The following CCSER1 variants were observed in gnomAD, a reference collection of about 807,000 sequenced individuals.
CCSER1 encodes the protein serine-rich coiled-coil domain-containing protein 1.
In CCSER1, 41 loss-of-function variants were observed where a neutral mutation model predicts 82.0. The ratio of observed to expected loss-of-function variants is 0.50; its 90% CI spans 0.39 to 0.65. The LOEUF (loss-of-function observed/expected upper bound fraction) is 0.65, where lower values mean the gene tolerates loss of function less well. Ranked by LOEUF, CCSER1 falls within the 30% of genes least tolerant of loss-of-function variation. CCSER1 has a pLI of 0.00. For synonymous variants in CCSER1, 414 were observed against 383.9 expected (o/e 1.08, Z -0.92); for missense variants, 1,119 against 1,064.2 (o/e 1.05, Z -0.72).
chr4:91,568,336 T>C (rs977530191), intron 10 of CCSER1, among the ~76,000 whole-genome samples: 1 of 152,150 alleles, frequency 6.6e-6, no homozygotes, highest in Non-Finnish European at 1.5e-5. Context: ...GGGGGTAATC[T>C]TCTTGTGTAG....
Position 90,493,731 on chromosome 4 carries a change from C to T in CCSER1, c.1724+25377C>T, listed in dbSNP as rs191233309. The stretch of plus-strand genomic sequence containing the variant: ...AGCAAATGCTGAGAGATTTTGTCAC[C>T]ACCGCTCCTGCCCTAAAAGAGCTCC... On this transcript the variant is annotated intron_variant, in intron 5 of 10. Transcript: ENST00000509176. 2.0e-4 allele frequency among the ~76,000 whole-genome samples: 31 copies of T among 152,134 alleles called. No individual in the cohort carries two copies. The East Asian group carries it at 5.6e-3, about 27-fold the overall frequency.
rs1444054191 is a variant in CCSER1, at chr4:90,923,314, G to T, written c.2095-56G>T. ...AAATTTTAATAAGTGGAGAATATTA[G>T]TGTAGAAGTACACACCTCACCAACA... On this transcript the variant is annotated intron_variant, in intron 8 of 10. Coordinates refer to ENST00000509176, the MANE Select transcript of CCSER1 (RefSeq NM_001145065.2). The T allele has an allele frequency of 1.7e-5, 19 of 1,151,444 alleles. 1 individual carries two copies. The South Asian group carries it at 2.4e-4, about 14-fold the overall frequency. The allele number at this position is 1,151,444 out of a possible 1,614,324, so 71.3% of individuals were successfully genotyped here.
At chr4:90,780,902 T>C in intron 7 of CCSER1, 1 of 603,476 alleles carries the variant, frequency 1.7e-6, no homozygotes, top group Non-Finnish European at 2.1e-6. Context: ...AAAAGGGGTA[T>C]AATTGGCCCA....
chr4:90,960,261 T>G (rs1733932704), intron 9 of CCSER1, among the ~76,000 whole-genome samples: 1 of 152,134 alleles, frequency 6.6e-6, no homozygotes, highest in Non-Finnish European at 1.5e-5. Context: ...GATTAAAAAT[T>G]AGACATTATT....
chr4:91,453,437 G>T (rs1454694903), intron 10 of CCSER1, among the ~76,000 whole-genome samples: 6 of 151,974 alleles, frequency 3.9e-5, no homozygotes, highest in Non-Finnish European at 8.8e-5. Flanking sequence ...GTGAAATTGA[G>T]TGGCCCCTTT....
intron 1 of CCSER1, among the ~76,000 whole-genome samples, chr4:90,145,963 C>T (rs1266988722): frequency 1.3e-5 from 2 of 151,982 alleles, no homozygotes; most frequent in African/African-American, 4.8e-5. Context: ...GAAATAATCT[C>T]TGAAGCACTA....
chr4:91,200,783 C>G (rs1221676692), intron 10 of CCSER1, among the ~76,000 whole-genome samples: 1 of 151,884 alleles, frequency 6.6e-6, no homozygotes, highest in African/African-American at 2.4e-5. Context: ...GTTAAATTCT[C>G]TTTAATACCA....
chr4:90,395,395 C>G (rs1402985007), intron 3 of CCSER1, among the ~76,000 whole-genome samples: 2 of 152,134 alleles, frequency 1.3e-5, no homozygotes, highest in African/African-American at 4.8e-5. Context: ...CTTGTTTTTA[C>G]ATTTTGCAGA....
chr4:91,210,694 G>A (rs1474704149), intron 10 of CCSER1, among the ~76,000 whole-genome samples: 1 of 151,824 alleles, frequency 6.6e-6, no homozygotes, highest in Non-Finnish European at 1.5e-5. Flanking sequence ...AGGATCTACT[G>A]TAGATTGAAG....
At chr4:90,784,132 G>A (rs978464195) in intron 7 of CCSER1, among the ~76,000 whole-genome samples, 6 of 152,114 alleles carry the variant, frequency 3.9e-5, no homozygotes, top group African/African-American at 1.4e-4. Flanking sequence ...GAGTAAATAA[G>A]CTAAAAGTTA....
At chr4:90,933,680 C>T (rs1171036453) in intron 9 of CCSER1, among the ~76,000 whole-genome samples, 1 of 111,462 alleles carries the variant, frequency 9.0e-6, no homozygotes, top group East Asian at 2.3e-4. Context: ...ATTTTCTATA[C>T]TTTTGGAAGT....
chr4:90,383,763 G>A (rs1268690299), intron 3 of CCSER1, among the ~76,000 whole-genome samples: 1 of 149,382 alleles, frequency 6.7e-6, no homozygotes, highest in East Asian at 2.0e-4. Flanking sequence ...ACAGGATTTT[G>A]TTTTGTTGCC....
intron 1 of CCSER1, among the ~76,000 whole-genome samples, chr4:90,303,174 A>G (rs939831902): frequency 5.9e-5 from 9 of 152,240 alleles, no homozygotes; most frequent in African/African-American, 9.6e-5. Flanking sequence ...TAGGACAAAC[A>G]TATCACTGAC....
intron 10 of CCSER1, among the ~76,000 whole-genome samples, chr4:91,304,934 G>A (rs894334395): frequency 2.6e-5 from 4 of 151,880 alleles, no homozygotes; most frequent in African/African-American, 9.7e-5. Flanking sequence ...TCCGTAGAAA[G>A]CAGGGCAAAA....
chr4:91,461,090 T>C (rs1756475501), intron 10 of CCSER1, among the ~76,000 whole-genome samples: 1 of 152,174 alleles, frequency 6.6e-6, no homozygotes, highest in Admixed American at 6.5e-5. Flanking sequence ...TCTCACTATC[T>C]AGATGGTTGT....
chr4:90,477,491 T>C (rs918256190), intron 5 of CCSER1, among the ~76,000 whole-genome samples: 1 of 152,216 alleles, frequency 6.6e-6, no homozygotes, highest in Admixed American at 6.5e-5. Flanking sequence ...TTAATATCTC[T>C]TGAATGAGGA....
intron 10 of CCSER1, among the ~76,000 whole-genome samples, chr4:91,105,521 T>C (rs1407646285): frequency 1.3e-5 from 2 of 151,844 alleles, no homozygotes; most frequent in Admixed American, 6.6e-5. Context: ...CTAGCCAATA[T>C]GGTGAAACCC....
intron 9 of CCSER1, among the ~76,000 whole-genome samples, chr4:90,937,731 G>A (rs2150317904): frequency 6.6e-6 from 1 of 152,142 alleles, no homozygotes; most frequent in South Asian, 2.1e-4. Context: ...CATTTCATCT[G>A]GAATACCTCT....
intron 9 of CCSER1, among the ~76,000 whole-genome samples, chr4:91,053,139 G>GA (rs1277210186): frequency 6.6e-6 from 1 of 152,040 alleles, no homozygotes; most frequent in African/African-American, 2.4e-5. Context: ...AAATGTCCTT[G>GA]AAAAAACCAT....
Sources: gnomAD v4.1 joint callset for allele counts (sites outside exome capture counted in the v4.1 genomes callset) on GRCh38, gnomAD v4.1.1 for gene constraint, MANE v1.5 for transcripts, NCBI Gene and HGNC (gene_info 2026-07-23, HGNC 2026-07-21) for gene names.